The following PTPRO variants were observed in gnomAD, a reference collection of about 807,000 sequenced individuals.
PTPRO encodes protein tyrosine phosphatase receptor type O.
Under a neutral mutation model 145.2 loss-of-function variants are expected in PTPRO, and 62 were observed. The ratio of observed to expected loss-of-function variants is 0.43; its 90% CI spans 0.35 to 0.53. PTPRO has a LOEUF of 0.53. Ranked by LOEUF, PTPRO falls within the 20% of genes least tolerant of loss-of-function variation. The probability of loss-of-function intolerance (pLI) is 0.01; values close to 1 mark genes in which losing one functional copy is unlikely to be tolerated. For synonymous variants in PTPRO, 565 were observed against 514.7 expected (o/e 1.10, Z -1.32); for missense variants, 1,345 against 1,482.7 (o/e 0.91, Z 1.53).
rs1944696107 is a variant in PTPRO, at chr12:15,598,214, A to G, written c.*2141A>G. ...GTTCTCTGGAACACTGTTGCTCTTCAGTTTGTAGAGTTTATGATGGAAAAG... is the reference window on the plus strand; with the variant it reads ...GTTCTCTGGAACACTGTTGCTCTTCGGTTTGTAGAGTTTATGATGGAAAAG... On this transcript the variant is annotated 3_prime_UTR_variant, in exon 27 of 27. Transcript: ENST00000281171. Among the ~76,000 whole-genome samples the G allele has an allele frequency of 6.6e-6, 1 of 152,306 alleles. No individual in the cohort carries two copies. Among genetic ancestry groups the G allele is most frequent in the East Asian group, 1.9e-4 (1 of 5,184 alleles).
intron 19 of PTPRO, among the ~76,000 whole-genome samples, chr12:15,578,238 C>T (rs1414272544): frequency 1.3e-5 from 2 of 152,132 alleles, no homozygotes; most frequent in Non-Finnish European, 2.9e-5. Flanking sequence ...GCCTAGATTT[C>T]TTCAGAGAAT....
At chr12:15,360,808 AC>A (rs1938157308) in intron 1 of PTPRO, among the ~76,000 whole-genome samples, 1 of 146,908 alleles carries the variant, frequency 6.8e-6, no homozygotes, top group Non-Finnish European at 1.5e-5. Flanking sequence ...GTGTATATAT[AC>A]GTGTGTATAT....
intron 19 of PTPRO, among the ~76,000 whole-genome samples, chr12:15,570,335 A>G (rs76899998): frequency 2.7e-5 from 4 of 148,732 alleles, no homozygotes; most frequent in Non-Finnish European, 4.4e-5. Flanking sequence ...TTTTTTTTTT[A>G]TAAAGCCTTT....
intron 19 of PTPRO, among the ~76,000 whole-genome samples, chr12:15,575,729 A>G (rs1944170422): frequency 6.6e-6 from 1 of 152,182 alleles, no homozygotes; most frequent in Non-Finnish European, 1.5e-5. Flanking sequence ...TATTCTCACA[A>G]TTGCAGAGCC....
chr12:15,410,827 C>T (rs193301485), intron 1 of PTPRO: 210 of 152,290 alleles, frequency 1.4e-3, no homozygotes, highest in African/African-American at 4.8e-3. Flanking sequence ...ACATCCAATA[C>T]AGCTCCTTAT....
rs990155929 is a variant in PTPRO, at chr12:15,472,712, T to C, written c.76-11262T>C. On this transcript the variant is annotated intron_variant, in intron 1 of 26. Coordinates refer to ENST00000281171, the MANE Select transcript of PTPRO (RefSeq NM_030667.3). ...TATTTGGATGCAAATCTTGGAAGTCTAGATCAAACAAATTAAAGAATATGT... is the reference window on the plus strand; with the variant it reads ...TATTTGGATGCAAATCTTGGAAGTCCAGATCAAACAAATTAAAGAATATGT... 2.0e-5 allele frequency among the ~76,000 whole-genome samples: 3 copies of C among 152,320 alleles called. 1 individual carries two copies. Among genetic ancestry groups the C allele is most frequent in the South Asian group, 4.1e-4 (2 of 4,830 alleles).
At chr12:15,430,377 A>G (rs1012439140) in intron 1 of PTPRO, among the ~76,000 whole-genome samples, 1 of 152,090 alleles carries the variant, frequency 6.6e-6, no homozygotes, top group Admixed American at 6.6e-5. Context: ...ATTCTAAAGC[A>G]CTAAACAGGC....
intron 1 of PTPRO, among the ~76,000 whole-genome samples, chr12:15,406,741 G>A (rs1939658004): frequency 1.3e-5 from 2 of 152,256 alleles, no homozygotes; most frequent in East Asian, 3.9e-4. Context: ...GAGGGAAACA[G>A]CACAAAATGT....
At chr12:15,513,952 CA>C (rs796619216) in intron 7 of PTPRO, among the ~76,000 whole-genome samples, 1 of 151,760 alleles carries the variant, frequency 6.6e-6, no homozygotes, top group South Asian at 2.1e-4. Flanking sequence ...CCAGGTAGTC[CA>C]AAAAAAGAAT....
intron 12 of PTPRO, among the ~76,000 whole-genome samples, chr12:15,529,023 T>C (rs755128072): frequency 2.0e-5 from 3 of 152,198 alleles, no homozygotes; most frequent in Non-Finnish European, 4.4e-5. Flanking sequence ...AGTTCTTCAA[T>C]CTGAGAGAAA....
intron 1 of PTPRO, among the ~76,000 whole-genome samples, chr12:15,391,189 T>C (rs1253763431): frequency 6.6e-6 from 1 of 152,166 alleles, no homozygotes; most frequent in African/African-American, 2.4e-5. Context: ...CCTTGCACCA[T>C]TCAGATCCAA....
intron 1 of PTPRO, among the ~76,000 whole-genome samples, chr12:15,336,426 T>C (rs981325974): frequency 6.6e-6 from 1 of 152,202 alleles, no homozygotes; most frequent in Non-Finnish European, 1.5e-5. Context: ...TAGATACAGA[T>C]TGTAACCATG....
At chr12:15,336,752 T>A (rs1866777119) in intron 1 of PTPRO, among the ~76,000 whole-genome samples, 1 of 152,240 alleles carries the variant, frequency 6.6e-6, no homozygotes, top group African/African-American at 2.4e-5. Flanking sequence ...AGCAGCCCAG[T>A]CTGCCATCCC....
Position 15,596,534 on chromosome 12 carries a change from T to C in PTPRO, c.*461T>C, listed in dbSNP as rs1284909514. On this transcript the variant is annotated 3_prime_UTR_variant, in exon 27 of 27. Coordinates refer to ENST00000281171, the MANE Select transcript of PTPRO (RefSeq NM_030667.3). ...AGGAACAGGCATTGTTAGCATCAGA[T>C]TATACCTCATTATTAAAAGGAGGCA... 6.6e-6 allele frequency: 1 copy of C among 152,610 alleles called. No homozygotes were observed. Among genetic ancestry groups the C allele is most frequent in the Non-Finnish European group, 1.5e-5 (1 of 68,046 alleles). 9.5% of individuals were successfully genotyped at this position (152,610 alleles called of 1,614,324 possible). A position where few individuals can be genotyped will look rare whatever the true frequency, so the allele number is the denominator to read the frequency against.
At chr12:15,357,297 G>A (rs1938026726) in intron 1 of PTPRO, among the ~76,000 whole-genome samples, 1 of 152,186 alleles carries the variant, frequency 6.6e-6, no homozygotes, top group African/African-American at 2.4e-5. Context: ...TTGTGCTCAA[G>A]GGACTTCTTC....
chr12:15,483,891 A>T, intron 1 of PTPRO, 83 bp from the exon 2 acceptor site: 2 of 1,412,266 alleles, frequency 1.4e-6, no homozygotes, highest in Non-Finnish European at 2.0e-6. Context: ...ACACAACAAT[A>T]TGTAAAAATT....
intron 1 of PTPRO, among the ~76,000 whole-genome samples, chr12:15,429,630 T>C (rs1195577935): frequency 6.6e-6 from 1 of 152,000 alleles, no homozygotes; most frequent in African/African-American, 2.4e-5. Flanking sequence ...ACTAGAAAGG[T>C]TCTCAAGGTT....
chr12:15,349,659 C>T (rs1254338017), intron 1 of PTPRO, among the ~76,000 whole-genome samples: 1 of 152,132 alleles, frequency 6.6e-6, no homozygotes, highest in Non-Finnish European at 1.5e-5. Context: ...CACAAATGTG[C>T]CCTTAAAAAA....
chr12:15,564,256 C>T (rs12297043), intron 17 of PTPRO, among the ~76,000 whole-genome samples: 10,785 of 152,260 alleles, frequency 0.071, 1,247 homozygotes, highest in African/African-American at 0.24. Flanking sequence ...CCTTCGTGGA[C>T]GTGTTCCTAC....
Sources: allele counts gnomAD v4.1 joint callset (sites outside exome capture counted in the v4.1 genomes callset), GRCh38; gene constraint gnomAD v4.1.1; transcripts MANE v1.5; gene names NCBI Gene and HGNC (gene_info 2026-07-23, HGNC 2026-07-21).